Variants in SH3D19 observed in about 807,000 individuals in gnomAD.
SH3D19 encodes SH3 domain-containing protein 19.
Under a neutral mutation model 112.1 loss-of-function variants are expected in SH3D19, and 58 were observed. That is an observed-to-expected ratio of 0.52 (90% CI 0.42 to 0.64). The LOEUF (loss-of-function observed/expected upper bound fraction) is 0.64. Ranked by LOEUF, SH3D19 falls within the 30% of genes least tolerant of loss-of-function variation. The probability of loss-of-function intolerance (pLI) is 0.00; values close to 1 mark genes in which losing one functional copy is unlikely to be tolerated. For synonymous variants in SH3D19, 391 were observed against 448.5 expected (o/e 0.87, Z 1.62); for missense variants, 1,090 against 1,263.4 (o/e 0.86, Z 2.08).
intron 1 of SH3D19, chr4:151,260,971 C>T (rs992165757): frequency 6.6e-6 from 1 of 152,106 alleles, no homozygotes; most frequent in African/African-American, 2.4e-5. Context: ...TGTGTGTTTT[C>T]TTCATAACAT....
intron 2 of SH3D19, among the ~76,000 whole-genome samples, chr4:151,223,577 T>C (rs1768463508): frequency 1.3e-5 from 2 of 152,264 alleles, no homozygotes; most frequent in African/African-American, 2.4e-5. Flanking sequence ...GGGAACAGCA[T>C]TTATTAGGAA....
At chr4:151,198,700 G>A (rs1023539107) in intron 2 of SH3D19, among the ~76,000 whole-genome samples, 1 of 151,016 alleles carries the variant, frequency 6.6e-6, no homozygotes, top group African/African-American at 2.4e-5. Context: ...ATACATAACG[G>A]CAAAACAATG....
At chr4:151,307,963 T>G (rs1729083168) in intron 1 of SH3D19, among the ~76,000 whole-genome samples, 1 of 152,186 alleles carries the variant, frequency 6.6e-6, no homozygotes, top group Non-Finnish European at 1.5e-5. Context: ...CAGGCTGGAG[T>G]GCAATGGTGC....
At chr4:151,296,612 T>A (rs544913699) in intron 1 of SH3D19, among the ~76,000 whole-genome samples, 41 of 152,342 alleles carry the variant, frequency 2.7e-4, no homozygotes, top group African/African-American at 9.9e-4. Flanking sequence ...ACACCTTTAC[T>A]TTTATGGGGC....
chr4:151,160,404 A>G (rs570703527), intron 8 of SH3D19, among the ~76,000 whole-genome samples: 19 of 152,358 alleles, frequency 1.2e-4, no homozygotes, highest in African/African-American at 4.6e-4. Context: ...TTTCTAATTC[A>G]GTAGCTTCTG....
chr4:151,307,058 G>A (rs1728987044), intron 1 of SH3D19, among the ~76,000 whole-genome samples: 4 of 134,296 alleles, frequency 3.0e-5, no homozygotes, highest in African/African-American at 8.5e-5. Flanking sequence ...TCGCTCTGTC[G>A]CCCAGGCTGG....
chr4:151,136,052 C>T (rs1206223357), intron 14 of SH3D19, among the ~76,000 whole-genome samples: 1 of 152,006 alleles, frequency 6.6e-6, no homozygotes, highest in Non-Finnish European at 1.5e-5. Flanking sequence ...TGTGGATTCT[C>T]TTCACATTTA....
intron 1 of SH3D19, among the ~76,000 whole-genome samples, chr4:151,270,395 G>A (rs1773150333): frequency 6.6e-6 from 1 of 152,128 alleles, no homozygotes; most frequent in Non-Finnish European, 1.5e-5. Context: ...CATGTGATGT[G>A]CCTGCTCACC....
chr4:151,239,265 C>G (rs1486592979), intron 1 of SH3D19, among the ~76,000 whole-genome samples: 1 of 152,158 alleles, frequency 6.6e-6, no homozygotes, highest in African/African-American at 2.4e-5. Flanking sequence ...TAAGACAGAG[C>G]CTTTATATCC....
intron 2 of SH3D19, among the ~76,000 whole-genome samples, chr4:151,197,728 C>G (rs1486541668): frequency 1.4e-5 from 2 of 141,594 alleles, no homozygotes; most frequent in African/African-American, 5.1e-5. Context: ...TGTCTCTCTC[C>G]ATTCTTTATG....
intron 13 of SH3D19, among the ~76,000 whole-genome samples, chr4:151,138,287 T>C (rs2149753368): frequency 6.6e-6 from 1 of 152,288 alleles, no homozygotes; most frequent in Middle Eastern, 3.4e-3. Context: ...AGCAAATAAG[T>C]TTACCCATAC....
intron 1 of SH3D19, among the ~76,000 whole-genome samples, chr4:151,287,857 G>A (rs1774964024): frequency 6.6e-6 from 1 of 152,078 alleles, no homozygotes; most frequent in Non-Finnish European, 1.5e-5. Flanking sequence ...TCCAGCCTGG[G>A]AGACAAAGTG....
rs1470811984 is a variant in SH3D19 at position 151,269,503 on chromosome 4, A to G, written c.113-43417T>C. Reference sequence around the variant, plus strand: ...TGCCATTGCTTTTGATATTTTAGACATGAAGTCCTTGCCCATGCCTATGTC... The same window carrying G: ...TGCCATTGCTTTTGATATTTTAGACGTGAAGTCCTTGCCCATGCCTATGTC... On this transcript the variant is annotated intron_variant, in intron 1 of 19. Transcript: ENST00000604030. Among the ~76,000 whole-genome samples, 3 of 152,170 alleles carry G rather than the reference A, an allele frequency of 2.0e-5. No homozygotes were observed. The East Asian group carries it at 5.8e-4, about 29-fold the overall frequency.
intron 7 of SH3D19, 127 bp from the exon 8 acceptor site, chr4:151,165,823 T>G (rs1757918642): frequency 1.3e-6 from 1 of 744,112 alleles, no homozygotes; most frequent in Non-Finnish European, 2.2e-6. Flanking sequence ...AAACAAAATC[T>G]CAGTTTGCAG....
At chr4:151,241,576 T>TAATATA (rs1264906708) in intron 1 of SH3D19, among the ~76,000 whole-genome samples, 2 of 151,070 alleles carry the variant, frequency 1.3e-5, no homozygotes, top group African/African-American at 4.9e-5. Context: ...ATCTAATTTA[T>TAATATA]TTATTTAAGA....
intron 3 of SH3D19, 66 bp downstream of exon 3, chr4:151,187,357 G>A: frequency 2.0e-6 from 2 of 977,660 alleles, no homozygotes; most frequent in Non-Finnish European, 2.7e-6. Context: ...ATCACCTGCT[G>A]GAAATCTAAA....
In SH3D19 at chr4:151,309,284, T is replaced by C. The variant is rs567863264; in HGVS notation, c.112+15957A>G. Among the ~76,000 whole-genome samples, 3 of 152,344 alleles carry C rather than the reference T, an allele frequency of 2.0e-5. No homozygotes were observed. The East Asian group carries it at 5.8e-4, about 29-fold the overall frequency. Reference sequence around the variant, plus strand: ...GAACATAATGAACACATACAGTGCTTTCCAGTTACTTCAATGATAACTCAC... The same window carrying C: ...GAACATAATGAACACATACAGTGCTCTCCAGTTACTTCAATGATAACTCAC... On this transcript the variant is annotated intron_variant, in intron 1 of 19. Coordinates refer to ENST00000604030, the MANE Select transcript of SH3D19 (RefSeq NM_001378122.1).
At chr4:151,199,018 CTTTT>C (rs5862951) in intron 2 of SH3D19, among the ~76,000 whole-genome samples, 4 of 119,402 alleles carry the variant, frequency 3.4e-5, no homozygotes, top group Admixed American at 8.6e-5. Context: ...CAGCTAACAT[CTTTT>C]TTTTTTTTTT....
chr4:151,259,075 G>A (rs1210342894), intron 1 of SH3D19, among the ~76,000 whole-genome samples: 3 of 152,056 alleles, frequency 2.0e-5, no homozygotes, highest in Non-Finnish European at 2.9e-5. Flanking sequence ...CTCCCACTAG[G>A]AGGTCTAGGC....
Sources: allele counts gnomAD v4.1 joint callset (sites outside exome capture counted in the v4.1 genomes callset), GRCh38; gene constraint gnomAD v4.1.1; transcripts MANE v1.5; gene names NCBI Gene and HGNC (gene_info 2026-07-23, HGNC 2026-07-21).